The following AKAP13 variants were observed in gnomAD, a reference collection of about 807,000 sequenced individuals.
The protein encoded by AKAP13 is A-kinase anchoring protein 13.
Under a neutral mutation model 264.5 loss-of-function variants are expected in AKAP13, and 80 were observed. The observed-to-expected ratio is 0.30, with a 90% CI of 0.25 to 0.36. The LOEUF (loss-of-function observed/expected upper bound fraction) is 0.36, where lower values mean the gene tolerates loss of function less well. Ranked by LOEUF, AKAP13 falls within the 10% of genes least tolerant of loss-of-function variation. The pLI is 1.00. For synonymous variants in AKAP13, 1,380 were observed against 1,250.2 expected, an observed-to-expected ratio of 1.10 and a Z score of -2.19; for missense variants, 3,712 against 3,435.2, an observed-to-expected ratio of 1.08 and a Z score of -2.01.
intron 8 of AKAP13, among the ~76,000 whole-genome samples, chr15:85,607,768 T>C (rs2080420271): frequency 6.6e-6 from 1 of 152,252 alleles, no homozygotes; most frequent in African/African-American, 2.4e-5. Context: ...AACAGTTACA[T>C]TGTACTTTCT....
chr15:85,598,499 A>C (rs897764622), intron 8 of AKAP13, among the ~76,000 whole-genome samples: 1 of 152,242 alleles, frequency 6.6e-6, no homozygotes, highest in Non-Finnish European at 1.5e-5. Flanking sequence ...CATTTGTAGC[A>C]AAGATTCCAA....
intron 3 of AKAP13, among the ~76,000 whole-genome samples, chr15:85,528,994 C>T (rs111771702): frequency 6.6e-6 from 1 of 152,178 alleles, no homozygotes. Context: ...CACCATGGAA[C>T]TAACTGAAAA....
Position 85,520,011 on chromosome 15 carries a change from A to G in AKAP13, c.34-1417A>G, listed in dbSNP as rs76649335. Among the ~76,000 whole-genome samples, 98 of 152,284 alleles carry G rather than the reference A, an allele frequency of 6.4e-4. No individual in the cohort carries two copies. In the East Asian group the frequency reaches 0.016, roughly 25 times the overall value. On this transcript the variant is annotated intron_variant, in intron 2 of 36. Coordinates refer to ENST00000394518, the MANE Select transcript of AKAP13 (RefSeq NM_007200.5). ...CTCTAGATTGATTTTTCTATAGTGC[A>G]TTATTAAGATTTATATAGTATTAAA... is the stretch of plus-strand genomic sequence containing the variant.
chr15:85,407,374 T>C (rs925200685), intron 1 of AKAP13, among the ~76,000 whole-genome samples: 1 of 151,430 alleles, frequency 6.6e-6, no homozygotes, highest in Non-Finnish European at 1.5e-5. Context: ...ACTACAGGCA[T>C]GCGCTGCCAT....
chr15:85,682,752 C>T (rs1249113526), intron 15 of AKAP13, among the ~76,000 whole-genome samples: 3 of 152,128 alleles, frequency 2.0e-5, no homozygotes, highest in Non-Finnish European at 4.4e-5. Flanking sequence ...ACTGCAACCT[C>T]TGCCTCCCAG....
chr15:85,687,467 C>A (rs1013001649), intron 16 of AKAP13, among the ~76,000 whole-genome samples: 4 of 152,184 alleles, frequency 2.6e-5, no homozygotes, highest in Admixed American at 2.6e-4. Context: ...CTCTGATCAT[C>A]TCCTTTGTCA....
intron 4 of AKAP13, among the ~76,000 whole-genome samples, chr15:85,543,031 A>G (rs994569901): frequency 4.6e-5 from 7 of 152,174 alleles, no homozygotes; most frequent in Non-Finnish European, 7.3e-5. Context: ...GCCCTTCCTC[A>G]TTCTGTCACT....
chr15:85,430,350 A>C lies in AKAP13; in HGVS notation c.-12+49552A>C, dbSNP rs74602188. Among the ~76,000 whole-genome samples, 157 of 152,338 alleles carry C rather than the reference A, an allele frequency of 1.0e-3. 4 individuals carry two copies. In the East Asian group the frequency reaches 0.024, roughly 24 times the overall value. ...TTCTGCCTTATAGTAGTAAAAATTT[A>C]GTTAGTTAACTTGTCTTTCCTAAGC... On this transcript the variant is annotated intron_variant, in intron 1 of 36. Transcript: ENST00000394518.
At chr15:85,494,503 C>G (rs2075818785) in intron 2 of AKAP13, among the ~76,000 whole-genome samples, 1 of 152,158 alleles carries the variant, frequency 6.6e-6, no homozygotes, top group Admixed American at 6.5e-5. Context: ...TTCCTCTGTC[C>G]TCTCATCATT....
rs1366241029 is a variant in AKAP13, at chr15:85,581,160, A to T, written c.3092A>T (p.Glu1031Val). Residue 1031 changes from glutamate to valine, a missense_variant, in exon 7 of 37, where the codon GAA becomes GTA. This residue lies in a region of AKAP13 where 2,759 missense variants were observed against 2,411.7 expected (regional missense o/e 1.14). Coordinates refer to ENST00000394518, the MANE Select transcript of AKAP13 (RefSeq NM_007200.5). Reference sequence around the variant, plus strand: ...AGTCTGGCCACAGAGTCAAGGCAGGAAGCCTTGGGGGCAGAGCACAACAGC... The same window carrying T: ...AGTCTGGCCACAGAGTCAAGGCAGGTAGCCTTGGGGGCAGAGCACAACAGC... ...GASLATESRQ[E>V]ALGAEHNSSA... is the part of the protein sequence containing the mutation. The T allele has an allele frequency of 1.2e-6, 2 of 1,614,164 alleles. No individual in the cohort carries two copies. The highest frequency in any genetic ancestry group is 2.2e-5 in the South Asian group (2 of 91,084).
At chr15:85,413,792 T>C in intron 1 of AKAP13, among the ~76,000 whole-genome samples, 1 of 152,146 alleles carries the variant, frequency 6.6e-6, no homozygotes, top group East Asian at 1.9e-4. Context: ...CAGAAGCATT[T>C]ATATTCACAG....
At chr15:85,711,606 T>G (rs1204761250) in intron 19 of AKAP13, among the ~76,000 whole-genome samples, 3 of 152,240 alleles carry the variant, frequency 2.0e-5, no homozygotes, top group African/African-American at 7.2e-5. Flanking sequence ...ATTTCACATT[T>G]AAAGTTCCCC....
At chr15:85,549,542 A>G (rs76544979) in intron 5 of AKAP13, among the ~76,000 whole-genome samples, 6 of 152,222 alleles carry the variant, frequency 3.9e-5, no homozygotes, top group Admixed American at 6.5e-5. Flanking sequence ...CCTTATATCA[A>G]CCTCGTGAAA....
At chr15:85,557,529 G>C (rs1382343312) in intron 5 of AKAP13, among the ~76,000 whole-genome samples, 1 of 152,120 alleles carries the variant, frequency 6.6e-6, no homozygotes, top group Non-Finnish European at 1.5e-5. Flanking sequence ...TGTTGCCCAG[G>C]TTGGAGTGCA....
intron 30 of AKAP13, among the ~76,000 whole-genome samples, chr15:85,733,681 T>C (rs2088211092): frequency 6.6e-6 from 1 of 152,092 alleles, no homozygotes; most frequent in Admixed American, 6.5e-5. Flanking sequence ...GTTTAAATGG[T>C]CTTCCTTTCA....
chr15:85,723,752 C>T (rs138830104), intron 26 of AKAP13, among the ~76,000 whole-genome samples: 2 of 152,262 alleles, frequency 1.3e-5, no homozygotes, highest in East Asian at 1.9e-4. Context: ...CACTTGTTCA[C>T]AAGAGATGTT....
chr15:85,519,119 C>G (rs1193605551), intron 2 of AKAP13, among the ~76,000 whole-genome samples: 1 of 151,616 alleles, frequency 6.6e-6, no homozygotes, highest in South Asian at 2.1e-4. Flanking sequence ...CTGTAAAAGT[C>G]CAGATAGTAA....
At chr15:85,665,349 A>G (rs531418009) in intron 13 of AKAP13, among the ~76,000 whole-genome samples, 8 of 152,324 alleles carry the variant, frequency 5.3e-5, no homozygotes, top group Non-Finnish European at 1.0e-4. Flanking sequence ...TACCCTCTCA[A>G]TAGTAAACTG....
At chr15:85,399,516 A>ATAAT in intron 1 of AKAP13, among the ~76,000 whole-genome samples, 1 of 135,306 alleles carries the variant, frequency 7.4e-6, no homozygotes, top group Admixed American at 7.4e-5. Flanking sequence ...AAAAAAAAAA[A>ATAAT]AAAAAATAAA....
Sources: gnomAD v4.1 joint callset for allele counts (sites outside exome capture counted in the v4.1 genomes callset) on GRCh38, gnomAD v4.1.1 for gene constraint, gnomAD v4.1.1 regional missense constraint, MANE v1.5 for transcripts, NCBI Gene and HGNC (gene_info 2026-07-23, HGNC 2026-07-21) for gene names.